Variants in MAP3K7CL observed in about 807,000 individuals in gnomAD.
MAP3K7CL encodes MAP3K7 C-terminal-like protein.
In MAP3K7CL, 16 loss-of-function variants were observed where a neutral mutation model predicts 18.6. That is an observed-to-expected ratio of 0.86 (90% CI 0.58 to 1.31). The LOEUF (loss-of-function observed/expected upper bound fraction) is 1.31. Among genes scored for constraint, MAP3K7CL ranks in the 50% most tolerant of loss-of-function variants. MAP3K7CL has a pLI of 0.00. For synonymous variants in MAP3K7CL, 65 were observed against 66.8 expected (o/e 0.97, Z 0.13); for missense variants, 163 against 174.4 (o/e 0.93, Z 0.37).
Position 29,174,969 on chromosome 21 carries a change from TAGTG to T in MAP3K7CL, c.*81_*84del. 1 of 1,382,424 alleles carries T rather than the reference TAGTG, an allele frequency of 7.2e-7. No individual in the cohort carries two copies. Among genetic ancestry groups the T allele is most frequent in the East Asian group, 2.5e-5 (1 of 40,168 alleles). 85.6% of individuals were successfully genotyped at this position (1,382,424 alleles called of 1,614,324 possible). On this transcript the variant is annotated 3_prime_UTR_variant, in exon 5 of 5. Coordinates refer to ENST00000399928, the MANE Select transcript of MAP3K7CL (RefSeq NM_001286620.2). Reference sequence around the variant, plus strand: ...CCAAAAGATTTTTATTTTAAATGAATAGTGAGTCAGATCTATTGCTTCTCTGTAT... The same window carrying T: ...CCAAAAGATTTTTATTTTAAATGAATAGTCAGATCTATTGCTTCTCTGTAT...
In MAP3K7CL at chr21:29,174,923, CTGATGACTGCCCTGTGCTGG is replaced by C. The variant is rs780553743; in HGVS notation, c.*32_*51del. 1 of 1,602,558 alleles carries C rather than the reference CTGATGACTGCCCTGTGCTGG, an allele frequency of 6.2e-7. No individual in the cohort carries two copies. The highest frequency in any genetic ancestry group is 1.1e-5 in the South Asian group (1 of 89,954). ...AATTTTTCAGTGTGAGCATACGAGG[CTGATGACTGCCCTGTGCTGG>C]CCAAAAGATTTTTATTTTAAATGAA... is the stretch of plus-strand genomic sequence containing the variant. On this transcript the variant is annotated 3_prime_UTR_variant, in exon 5 of 5. Transcript: ENST00000399928.
At chr21:29,141,825 G>A (rs1038405707) in intron 2 of MAP3K7CL, among the ~76,000 whole-genome samples, 6 of 151,988 alleles carry the variant, frequency 3.9e-5, no homozygotes, top group African/African-American at 1.5e-4. Context: ...AGGAAGCAAA[G>A]TTTTAAAAAG....
At chr21:29,080,295 A>G (rs754189211) in intron 1 of MAP3K7CL, among the ~76,000 whole-genome samples, 1 of 152,236 alleles carries the variant, frequency 6.6e-6, no homozygotes, top group Non-Finnish European at 1.5e-5. Flanking sequence ...GGCTGTGGGT[A>G]CAAATAAGCC....
intron 3 of MAP3K7CL, among the ~76,000 whole-genome samples, chr21:29,153,384 A>G (rs1272959504): frequency 6.6e-6 from 1 of 151,990 alleles, no homozygotes; most frequent in Non-Finnish European, 1.5e-5. Context: ...TAGATGATAT[A>G]GTCAGAAGAA....
In MAP3K7CL at chr21:29,174,854, C is replaced by T; in HGVS notation, c.391C>T (p.Leu131Phe). The T allele has an allele frequency of 6.2e-7, 1 of 1,614,092 alleles. No individual in the cohort carries two copies. Among genetic ancestry groups the T allele is most frequent in the Non-Finnish European group, 8.5e-7 (1 of 1,180,016 alleles). ...QSQCVEQLEKLRIQYQKRQGS... is the reference protein window; with the variant it reads ...QSQCVEQLEKFRIQYQKRQGS... ...TCAATGTGTGGAACAACTGGAGAAA[C>T]TTCGAATACAGTATCAGAAGAGGCA... Residue 131 changes from leucine (L) to phenylalanine (F), a missense_variant, in exon 5 of 5, where the codon CTT (leucine) becomes TTT (phenylalanine). By Grantham distance (22) the Leu-to-Phe change is conservative. Coordinates refer to ENST00000399928, the MANE Select transcript of MAP3K7CL (RefSeq NM_001286620.2).
At chr21:29,086,218 C>T (rs1247261364) in intron 1 of MAP3K7CL, among the ~76,000 whole-genome samples, 1 of 152,144 alleles carries the variant, frequency 6.6e-6, no homozygotes, top group African/African-American at 2.4e-5. Context: ...AAAAATAAAC[C>T]ATGATTTAGT....
At chr21:29,084,857 G>A (rs181433844), upstream of MAP3K7CL, among the ~76,000 whole-genome samples, 8 of 152,230 alleles carry the variant, frequency 5.3e-5, no homozygotes, top group East Asian at 9.6e-4. Context: ...TAGTCTAAAC[G>A]CAATTAGAAA....
At chr21:29,108,976 C>G in intron 4 of MAP3K7CL, 2 of 1,359,566 alleles carry the variant, frequency 1.5e-6, no homozygotes, top group Non-Finnish European at 2.0e-6. Context: ...CAACTTGAAT[C>G]TGAATTCAAT....
chr21:29,139,075 G>A (rs2086946120), intron 2 of MAP3K7CL, among the ~76,000 whole-genome samples: 1 of 152,138 alleles, frequency 6.6e-6, no homozygotes, highest in South Asian at 2.1e-4. Context: ...CATACCATTG[G>A]TGTCACTTTT....
upstream of MAP3K7CL, among the ~76,000 whole-genome samples, chr21:29,127,327 A>G (rs1168852173): frequency 2.0e-5 from 3 of 152,272 alleles, no homozygotes; most frequent in Non-Finnish European, 2.9e-5. Flanking sequence ...GCCACCATCA[A>G]GAAACATACT....
intron 4 of MAP3K7CL, among the ~76,000 whole-genome samples, chr21:29,100,083 TAAAAAA>T (rs397727880): frequency 1.6e-5 from 2 of 122,828 alleles, no homozygotes; most frequent in Admixed American, 8.5e-5. Context: ...ACTCCGTCTT[TAAAAAA>T]AAAAAAAAAA....
chr21:29,092,801 C>T (rs1390452432), intron 4 of MAP3K7CL, among the ~76,000 whole-genome samples: 10 of 152,230 alleles, frequency 6.6e-5, no homozygotes, highest in Admixed American at 6.5e-4. Context: ...CTGCAGTTTA[C>T]AGGAGAAAGA....
rs571445989 is a variant in MAP3K7CL, at chr21:29,150,631, T to G, written c.132+1381T>G. ...TCAGCCATCACGTCTCCCTCTTTTT[T>G]CTATCCTCCATGCAGGGTTCTCAAC... On this transcript the variant is annotated intron_variant, in intron 3 of 4. Transcript: ENST00000399928. 1.4e-4 allele frequency among the ~76,000 whole-genome samples: 21 copies of G among 152,264 alleles called. No individual in the cohort carries two copies. The South Asian group carries it at 4.2e-3, about 30-fold the overall frequency.
chr21:29,162,733 C>T (rs1366979864), intron 4 of MAP3K7CL, among the ~76,000 whole-genome samples: 1 of 151,562 alleles, frequency 6.6e-6, no homozygotes, highest in East Asian at 2.0e-4. Context: ...AGAGTGACTC[C>T]TATCTAATGT....
At chr21:29,132,579 G>A (rs1487074940) in intron 1 of MAP3K7CL, among the ~76,000 whole-genome samples, 1 of 151,858 alleles carries the variant, frequency 6.6e-6, no homozygotes, top group African/African-American at 2.4e-5. Context: ...GTACGATCTC[G>A]GTTGACTGCA....
rs144555635 is a variant in MAP3K7CL, at chr21:29,079,470, C to T, written c.-49+1757C>T. Among the ~76,000 whole-genome samples the T allele has an allele frequency of 3.3e-5, 5 of 152,386 alleles. No homozygotes were observed. The East Asian group carries it at 9.6e-4, about 29-fold the overall frequency. ...TCAGCTTCCCCATACTGTCTCACCA[C>T]TCCCCCCAGAAAGGTCTCTACGTGT... On this transcript the variant is annotated intron_variant, in intron 1 of 7. Coordinates refer to the MAP3K7CL transcript ENST00000341618.
intron 2 of MAP3K7CL, among the ~76,000 whole-genome samples, chr21:29,135,166 A>C (rs1435813384): frequency 6.6e-6 from 1 of 152,192 alleles, no homozygotes; most frequent in Non-Finnish European, 1.5e-5. Context: ...TAATGGAGTT[A>C]TGTTCTGAAC....
intron 2 of MAP3K7CL, among the ~76,000 whole-genome samples, chr21:29,141,518 GA>G (rs57784163): frequency 0.19 from 19,406 of 102,434 alleles, 1,489 homozygotes; most frequent in East Asian, 0.45. Context: ...ATCTCAAAAA[GA>G]AAAAAAAAAA....
At chr21:29,117,555 G>GC (rs1330478404) in intron 4 of MAP3K7CL, among the ~76,000 whole-genome samples, 1 of 152,236 alleles carries the variant, frequency 6.6e-6, no homozygotes, top group East Asian at 1.9e-4. Context: ...ATTGACAGGT[G>GC]CCTTATTAGG....
Sources: gnomAD v4.1 joint callset for allele counts (sites outside exome capture counted in the v4.1 genomes callset) on GRCh38, gnomAD v4.1.1 for gene constraint, MANE v1.5 for transcripts, NCBI Gene and HGNC (gene_info 2026-07-23, HGNC 2026-07-21) for gene names.